THSD4: variants seen among roughly 807,000 people sequenced by gnomAD.
THSD4 encodes the protein thrombospondin type 1 domain containing 4, also known as thrombospondin type-1 domain-containing protein 4.
THSD4 carries 69 observed loss-of-function variants against 119.0 expected under a neutral mutation model. The observed-to-expected ratio is 0.58, with a 90% CI of 0.48 to 0.71. The LOEUF is 0.71. Ranked by LOEUF, THSD4 falls within the 30% of genes least tolerant of loss-of-function variation. The pLI, the probability that THSD4 is intolerant of heterozygous loss-of-function variation, is 0.00. For synonymous variants in THSD4, 524 were observed against 540.4 expected (o/e 0.97, Z 0.42); for missense variants, 1,393 against 1,391.1 (o/e 1.00, Z -0.02).
At chr15:71,764,463 G>A (rs980351387) in intron 15 of THSD4, among the ~76,000 whole-genome samples, 2 of 152,216 alleles carry the variant, frequency 1.3e-5, no homozygotes, top group East Asian at 1.9e-4. Context: ...AGAAGATTGG[G>A]CTCTGTAGTC....
At chr15:71,746,603 C>T (rs1197063835) in intron 12 of THSD4, among the ~76,000 whole-genome samples, 4 of 152,172 alleles carry the variant, frequency 2.6e-5, no homozygotes, top group Non-Finnish European at 5.9e-5. Context: ...CCATGTTGCC[C>T]AGGCTGGTCT....
At chr15:71,608,301 TAAAACTC>T (rs2050156682) in intron 7 of THSD4, among the ~76,000 whole-genome samples, 4 of 138,090 alleles carry the variant, frequency 2.9e-5, no homozygotes, top group Admixed American at 1.4e-4. Context: ...AGAAAAATGA[TAAAACTC>T]AAAAAGTAGA....
At chr15:71,746,687 G>T (rs990179633) in intron 12 of THSD4, 151 bp from the exon 13 acceptor site, 8 of 872,510 alleles carry the variant, frequency 9.2e-6, no homozygotes, top group Non-Finnish European at 1.4e-5. Context: ...GCGCCACTGT[G>T]CCCAGCCTAG....
chr15:71,281,320 G>C (rs1211735021), intron 6 of THSD4, among the ~76,000 whole-genome samples: 1 of 152,260 alleles, frequency 6.6e-6, no homozygotes, highest in Non-Finnish European at 1.5e-5. Flanking sequence ...CATCAGGTGA[G>C]AGCAACATTT....
At chr15:71,277,570 C>T (rs1452052599) in intron 6 of THSD4, among the ~76,000 whole-genome samples, 1 of 152,158 alleles carries the variant, frequency 6.6e-6, no homozygotes, top group African/African-American at 2.4e-5. Flanking sequence ...CTGTTTGAGG[C>T]CCTTTTACTT....
At position 71,423,296 on chromosome 15, in the gene THSD4, C is replaced by T. The variant is rs535773038; in HGVS notation, c.1152+11473C>T. On this transcript the variant is annotated intron_variant, in intron 7 of 17. Transcript: ENST00000261862. ...TAGCCACCACAGCTGGGAGTGCGCTCAGTCACAGCTTGAAGCTAGCAGATC... is the reference window on the plus strand; with the variant it reads ...TAGCCACCACAGCTGGGAGTGCGCTTAGTCACAGCTTGAAGCTAGCAGATC... Among the ~76,000 whole-genome samples, 11 of 152,240 alleles carry T rather than the reference C, an allele frequency of 7.2e-5. No individual in the cohort carries two copies. The East Asian group carries it at 1.9e-3, about 27-fold the overall frequency.
intron 10 of THSD4, 122 bp downstream of exon 10, chr15:71,731,339 T>TA: frequency 1.1e-6 from 1 of 950,970 alleles, no homozygotes; most frequent in Non-Finnish European, 1.6e-6. Context: ...GAGGGACGCA[T>TA]ATTTCAAAGC....
intron 6 of THSD4, among the ~76,000 whole-genome samples, chr15:71,375,243 A>C (rs954617472): frequency 1.3e-5 from 2 of 152,202 alleles, no homozygotes; most frequent in Non-Finnish European, 2.9e-5. Context: ...GAGTATGTGC[A>C]TGTGGACACA....
intron 2 of THSD4, among the ~76,000 whole-genome samples, chr15:71,154,583 C>G (rs1250531678): frequency 6.6e-6 from 1 of 152,212 alleles, no homozygotes; most frequent in African/African-American, 2.4e-5. Context: ...GGGGAGGAGA[C>G]TGAGACTTAG....
intron 8 of THSD4, among the ~76,000 whole-genome samples, chr15:71,716,561 G>GGTGTGTGTGT (rs57999390): frequency 0.17 from 25,237 of 144,496 alleles, 3,346 homozygotes; most frequent in African/African-American, 0.37. Context: ...TAGAGTGTGG[G>GGTGTGTGTGT]GTGTGTGTGT....
chr15:71,685,061 AT>A (rs1022699601), intron 8 of THSD4, among the ~76,000 whole-genome samples: 7 of 152,030 alleles, frequency 4.6e-5, no homozygotes, highest in Middle Eastern at 6.8e-3. Flanking sequence ...ATATTCTCTT[AT>A]TTGGGCTTTA....
chr15:71,326,689 AAAAAAAAAAAAATAT>A (rs1394322994), intron 6 of THSD4, among the ~76,000 whole-genome samples: 9 of 53,426 alleles, frequency 1.7e-4, no homozygotes, highest in African/African-American at 5.8e-4. Context: ...AAAAAAAAAA[AAAAAAAAAAAAATAT>A]ATATATATAT....
At chr15:71,301,449 A>G (rs2044949327) in intron 6 of THSD4, among the ~76,000 whole-genome samples, 1 of 152,316 alleles carries the variant, frequency 6.6e-6, no homozygotes, top group South Asian at 2.1e-4. Flanking sequence ...ATTTAAAACA[A>G]TGTGACTATC....
intron 6 of THSD4, among the ~76,000 whole-genome samples, chr15:71,266,079 G>A (rs1237717193): frequency 1.3e-5 from 2 of 152,226 alleles, no homozygotes; most frequent in Admixed American, 6.5e-5. Flanking sequence ...AGAGAGCAGC[G>A]GATCTCCCAT....
rs564141891 is a variant in THSD4 at position 71,620,954 on chromosome 15, C to A, written c.1153-39576C>A. Among the ~76,000 whole-genome samples, 20 of 152,280 alleles carry A rather than the reference C, an allele frequency of 1.3e-4. No individual in the cohort carries two copies. The South Asian group carries it at 3.7e-3, about 28-fold the overall frequency. ...TTGTGTTATTTTGGGCAGATAATTTCTTTGGCTGTAAATTTATTGATCTTT... is the reference window on the plus strand; with the variant it reads ...TTGTGTTATTTTGGGCAGATAATTTATTTGGCTGTAAATTTATTGATCTTT... On this transcript the variant is annotated intron_variant, in intron 7 of 17. Transcript: ENST00000261862.
chr15:71,530,608 A>G (rs2048593747), intron 7 of THSD4, among the ~76,000 whole-genome samples: 1 of 151,934 alleles, frequency 6.6e-6, no homozygotes, highest in Non-Finnish European at 1.5e-5. Flanking sequence ...TTAATATGGT[A>G]TCAGCTGACA....
intron 6 of THSD4, among the ~76,000 whole-genome samples, chr15:71,371,530 G>C (rs573480698): frequency 6.6e-6 from 1 of 152,018 alleles, no homozygotes; most frequent in African/African-American, 2.4e-5. Context: ...TTTCTCCTTG[G>C]CTTATGAAGC....
intron 6 of THSD4, among the ~76,000 whole-genome samples, chr15:71,298,911 C>A (rs1176763748): frequency 6.6e-6 from 1 of 152,210 alleles, no homozygotes; most frequent in Non-Finnish European, 1.5e-5. Context: ...TGCACACAGC[C>A]CAGTGCTGAC....
chr15:71,393,225 C>T (rs1169457982), intron 6 of THSD4, among the ~76,000 whole-genome samples: 6 of 151,528 alleles, frequency 4.0e-5, no homozygotes, highest in Admixed American at 2.0e-4. Flanking sequence ...CCGCCCCTGC[C>T]TTTTTCTCTC....
Sources: allele counts gnomAD v4.1 joint callset (sites outside exome capture counted in the v4.1 genomes callset), GRCh38; gene constraint gnomAD v4.1.1; transcripts MANE v1.5; gene names NCBI Gene and HGNC (gene_info 2026-07-23, HGNC 2026-07-21).